RIPK1: variants seen among roughly 807,000 people sequenced by gnomAD.
RIPK1 encodes receptor-interacting serine/threonine-protein kinase 1.
Under a neutral mutation model 62.4 loss-of-function variants are expected in RIPK1, and 27 were observed. The observed-to-expected ratio is 0.43, with a 90% CI of 0.32 to 0.60. The LOEUF (loss-of-function observed/expected upper bound fraction) is 0.60. Among genes scored for constraint, RIPK1 ranks in the 20% least tolerant of loss-of-function variants. The pLI, the probability that RIPK1 is intolerant of heterozygous loss-of-function variation, is 0.07. For synonymous variants in RIPK1, 287 were observed against 303.2 expected (o/e 0.95, Z 0.55); for missense variants, 735 against 831.0 (o/e 0.88, Z 1.42).
intron 9 of RIPK1, among the ~76,000 whole-genome samples, chr6:3,109,117 C>A (rs756745237): frequency 6.6e-6 from 1 of 152,136 alleles, no homozygotes; most frequent in Non-Finnish European, 1.5e-5. Flanking sequence ...CCCAGGCTAG[C>A]GAGTGTAAGG....
chr6:3,079,027 C>G (rs1040594404), intron 3 of RIPK1, among the ~76,000 whole-genome samples: 1 of 151,976 alleles, frequency 6.6e-6, no homozygotes, highest in African/African-American at 2.4e-5. Context: ...ATCCTCTCAC[C>G]TCAGCCTCCT....
chr6:3,075,856 T>A (rs1484077066), intron 1 of RIPK1, among the ~76,000 whole-genome samples: 1 of 124,340 alleles, frequency 8.0e-6, no homozygotes, highest in Non-Finnish European at 1.8e-5. Flanking sequence ...TTTTTTTTTT[T>A]AATACCTTGT....
At chr6:3,080,906 C>T in intron 3 of RIPK1, 73 bp from the exon 4 acceptor site, 3 of 1,472,238 alleles carry the variant, frequency 2.0e-6, no homozygotes, top group Non-Finnish European at 2.8e-6. Flanking sequence ...ATCCCACCAC[C>T]CTTTCATGAA....
chr6:3,073,192 T>C (rs953649519), intron 1 of RIPK1, among the ~76,000 whole-genome samples: 3 of 151,142 alleles, frequency 2.0e-5, no homozygotes, highest in Middle Eastern at 3.2e-3. Flanking sequence ...ATACAATATA[T>C]GCATACACAC....
At chr6:3,066,663 C>T (rs1043131053), upstream of RIPK1, among the ~76,000 whole-genome samples, 4 of 152,168 alleles carry the variant, frequency 2.6e-5, no homozygotes, top group Non-Finnish European at 5.9e-5. Flanking sequence ...CCATCAACAT[C>T]CTGCATTACT....
chr6:3,094,941 A>G (rs1760205773), intron 7 of RIPK1, among the ~76,000 whole-genome samples: 1 of 152,140 alleles, frequency 6.6e-6, no homozygotes, highest in South Asian at 2.1e-4. Flanking sequence ...GGCATGTGCC[A>G]GTAGTCCCAT....
chr6:3,094,730 C>A (rs1022836622), intron 7 of RIPK1, among the ~76,000 whole-genome samples: 2 of 151,718 alleles, frequency 1.3e-5, no homozygotes, highest in African/African-American at 4.8e-5. Context: ...AACAGCGGAT[C>A]AAAAAATCCA....
At position 3,068,669 on chromosome 6, in the gene RIPK1, G is replaced by A. The variant is rs886903651; in HGVS notation, c.-61+8G>A. On this transcript the variant is annotated splice_region_variant and intron_variant, in intron 1 of 10. Coordinates refer to ENST00000259808, the MANE Select transcript of RIPK1 (RefSeq NM_001354930.2). The stretch of plus-strand genomic sequence containing the variant: ...GCCACGGAGAAGGGCGCGGTGAGCG[G>A]ACTGGCACCGCGCGGGGAACATTCC... 4 of 985,122 alleles carry A rather than the reference G, an allele frequency of 4.1e-6. No individual in the cohort carries two copies. The African/African-American group carries it at 5.2e-5, about 13-fold the overall frequency. The allele number at this position is 985,122 out of a possible 1,614,324, so 61.0% of individuals were successfully genotyped here. A position where few individuals can be genotyped will look rare whatever the true frequency, so the allele number is the denominator to read the frequency against.
chr6:3,068,815 T>G, intron 1 of RIPK1, 154 bp downstream of exon 1: 1 of 294,856 alleles, frequency 3.4e-6, no homozygotes, highest in Non-Finnish European at 5.0e-6. Flanking sequence ...CCGCCGCTTC[T>G]TCCCTCACCC....
intron 6 of RIPK1, among the ~76,000 whole-genome samples, chr6:3,088,459 A>G (rs1312644773): frequency 6.6e-6 from 1 of 152,244 alleles, no homozygotes; most frequent in Non-Finnish European, 1.5e-5. Context: ...CATGTGGGGC[A>G]AATCCAGGCT....
rs991773367 is a variant in RIPK1 at position 3,114,296 on chromosome 6, G to T, written c.*957G>T. 4.6e-5 allele frequency: 7 copies of T among 152,220 alleles called. No homozygotes were observed. The highest frequency in any genetic ancestry group is 3.3e-4 in the Admixed American group (5 of 15,284). 9.4% of individuals were successfully genotyped at this position (152,220 alleles called of 1,614,324 possible). Reference sequence around the variant, plus strand: ...AGAACCTCAGGGCTGATACTGTTGAGTGGCTTCCTCGGTTTACTCTGTGTA... The same window carrying T: ...AGAACCTCAGGGCTGATACTGTTGATTGGCTTCCTCGGTTTACTCTGTGTA... On this transcript the variant is annotated 3_prime_UTR_variant, in exon 11 of 11. Coordinates refer to ENST00000259808, the MANE Select transcript of RIPK1 (RefSeq NM_001354930.2). The surrounding 1 kb of genome is among the most constrained non-coding windows in gnomAD (Gnocchi z 5.0).
Position 3,082,556 on chromosome 6 carries a change from A to G in RIPK1, c.460-529A>G, listed in dbSNP as rs114091486. On this transcript the variant is annotated intron_variant, in intron 4 of 10. Coordinates refer to ENST00000259808, the MANE Select transcript of RIPK1 (RefSeq NM_001354930.2). ...CCCTATCTCCTCTTAGGTTCAGGCT[A>G]CAGCTCAAAACAAGCAACACTGCAG... is the stretch of plus-strand genomic sequence containing the variant. Among the ~76,000 whole-genome samples, 1,119 of 152,210 alleles carry G rather than the reference A, an allele frequency of 7.4e-3. 11 individuals are homozygous for G. The highest frequency in any genetic ancestry group is 0.026 in the African/African-American group (1,075 of 41,506).
At chr6:3,073,222 TAC>T (rs34064335) in intron 1 of RIPK1, among the ~76,000 whole-genome samples, 34 of 149,432 alleles carry the variant, frequency 2.3e-4, no homozygotes, top group Non-Finnish European at 3.4e-4. Flanking sequence ...TGTGTATATA[TAC>T]ACACATATAC....
rs10526418 is a variant in RIPK1 at position 3,076,699 on chromosome 6, C to CATAT, written c.-60-41_-60-38dup. ...TGTCTCCAAAGGAGAAAAAAAAAAACATATATATATATATATATATATATA... is the reference window on the plus strand; with the variant it reads ...TGTCTCCAAAGGAGAAAAAAAAAAACATATATATATATATATATATATATATATA... On this transcript the variant is annotated intron_variant, in intron 1 of 10. Transcript: ENST00000259808. 1,368 of 217,492 alleles carry CATAT rather than the reference C, an allele frequency of 6.3e-3. 76 individuals are homozygous for CATAT. The highest frequency in any genetic ancestry group is 0.039 in the African/African-American group (947 of 24,064). The allele number at this position is 217,492 out of a possible 1,614,324, so 13.5% of individuals were successfully genotyped here. A position where few individuals can be genotyped will look rare whatever the true frequency, so the allele number is the denominator to read the frequency against.
Position 3,105,911 on chromosome 6 carries a change from T to C in RIPK1, c.1436T>C (p.Leu479Pro). The change falls in exon 9 of 11, where the codon CTG becomes CCG. Residue 479 changes from leucine to proline, a missense_variant. Leu to Pro is a moderately conservative substitution (Grantham distance 98). Transcript: ENST00000259808. The surrounding 1 kb of genome is among the most constrained non-coding windows in gnomAD (Gnocchi z 4.5). ...TCACATGGCTTTGGAACAAGACCAC[T>C]GGATCCAGGAACAGCAGGTCCCAGA... ...YSSHGFGTRP[L>P]DPGTAGPRVW... 1 of 1,614,152 alleles carries C rather than the reference T, an allele frequency of 6.2e-7. No homozygotes were observed. The highest frequency in any genetic ancestry group is 1.1e-5 in the South Asian group (1 of 91,080).
intron 9 of RIPK1, among the ~76,000 whole-genome samples, chr6:3,108,987 G>A (rs1761012756): frequency 6.6e-6 from 1 of 152,150 alleles, no homozygotes; most frequent in Admixed American, 6.6e-5. Context: ...CCTCAGAACT[G>A]TCTTCTCAAC....
intron 7 of RIPK1, among the ~76,000 whole-genome samples, chr6:3,094,833 G>C (rs1021604147): frequency 6.6e-6 from 1 of 152,074 alleles, no homozygotes; most frequent in African/African-American, 2.4e-5. Context: ...TGGCTGGGGT[G>C]AGAGGATCGT....
chr6:3,081,259 AC>A (rs1759365324), intron 4 of RIPK1, 143 bp downstream of exon 4: 2 of 900,442 alleles, frequency 2.2e-6, no homozygotes, highest in Non-Finnish European at 3.3e-6. Flanking sequence ...GAAAGGCTCT[AC>A]CGGTGATTGA....
chr6:3,068,770 G>A (rs1205806198), intron 1 of RIPK1, 109 bp downstream of exon 1: 3 of 621,540 alleles, frequency 4.8e-6, no homozygotes, highest in African/African-American at 4.0e-5. Context: ...CCCGGGCAAG[G>A]CTGCCGCGGC....
Sources: gnomAD v4.1 joint callset for allele counts (sites outside exome capture counted in the v4.1 genomes callset) on GRCh38, gnomAD v4.1.1 for gene constraint, Gnocchi (gnomAD v3.1) non-coding constraint, MANE v1.5 for transcripts, NCBI Gene and HGNC (gene_info 2026-07-23, HGNC 2026-07-21) for gene names.